Variants in CNTNAP2 observed in about 807,000 individuals in gnomAD.
The protein encoded by CNTNAP2 is contactin associated protein 2.
In CNTNAP2, 98 loss-of-function variants were observed where a neutral mutation model predicts 155.2. The ratio of observed to expected loss-of-function variants is 0.63; its 90% CI spans 0.54 to 0.75. The LOEUF is 0.75. Among genes scored for constraint, CNTNAP2 ranks in the 30% least tolerant of loss-of-function variants. CNTNAP2 has a pLI of 0.00. For missense variants in CNTNAP2, 1,727 were observed against 1,688.1 expected (o/e 1.02, Z -0.40); for synonymous variants, 651 against 631.2 (o/e 1.03, Z -0.47).
chr7:148,113,749 C>T (rs4725763), intron 15 of CNTNAP2, among the ~76,000 whole-genome samples: 44,969 of 152,020 alleles, frequency 0.3, 8,434 homozygotes, highest in East Asian at 0.68. Context: ...AACATGCAGT[C>T]ACAAAGCTTC....
At chr7:148,241,882 T>C (rs1290485862) in intron 20 of CNTNAP2, among the ~76,000 whole-genome samples, 4 of 152,172 alleles carry the variant, frequency 2.6e-5, no homozygotes, top group Non-Finnish European at 4.4e-5. Flanking sequence ...ATTCCTACAC[T>C]CCAGAAAAAT....
intron 10 of CNTNAP2, among the ~76,000 whole-genome samples, chr7:147,463,149 G>A (rs538587664): frequency 1.0e-3 from 152 of 152,222 alleles, no homozygotes; most frequent in African/African-American, 3.2e-3. Context: ...AACAGAAAAA[G>A]AAACAAGTGT....
intron 1 of CNTNAP2, among the ~76,000 whole-genome samples, chr7:146,620,316 G>T (rs1799296515): frequency 6.6e-6 from 1 of 152,094 alleles, no homozygotes; most frequent in Non-Finnish European, 1.5e-5. Flanking sequence ...CATGGCTAAC[G>T]GTGCTGCCTG....
At chr7:146,323,900 T>C (rs1801049725) in intron 1 of CNTNAP2, among the ~76,000 whole-genome samples, 1 of 152,122 alleles carries the variant, frequency 6.6e-6, no homozygotes, top group African/African-American at 2.4e-5. Flanking sequence ...AATTATGAAG[T>C]TAATAAAGTT....
At chr7:147,443,437 T>A (rs1797678007) in intron 10 of CNTNAP2, among the ~76,000 whole-genome samples, 1 of 152,192 alleles carries the variant, frequency 6.6e-6, no homozygotes, top group South Asian at 2.1e-4. Flanking sequence ...GCAATAGTCC[T>A]GAATAGGCAA....
chr7:147,391,158 G>T (rs965247390), intron 9 of CNTNAP2, among the ~76,000 whole-genome samples: 1 of 152,156 alleles, frequency 6.6e-6, no homozygotes, highest in African/African-American at 2.4e-5. Flanking sequence ...GGTAGATTAT[G>T]CACAGAGAAA....
At chr7:146,931,889 A>G (rs1420959464) in intron 3 of CNTNAP2, among the ~76,000 whole-genome samples, 2 of 152,218 alleles carry the variant, frequency 1.3e-5, no homozygotes, top group African/African-American at 2.4e-5. Context: ...TAATCCAGGA[A>G]GAAGTTGAAT....
At chr7:147,629,881 C>G (rs1224663604) in intron 12 of CNTNAP2, among the ~76,000 whole-genome samples, 1 of 151,082 alleles carries the variant, frequency 6.6e-6, no homozygotes, top group African/African-American at 2.4e-5. Flanking sequence ...TCTGAAAGAG[C>G]ACAAATAAAA....
intron 4 of CNTNAP2, among the ~76,000 whole-genome samples, chr7:147,058,333 G>C (rs910093376): frequency 3.9e-5 from 6 of 152,112 alleles, no homozygotes; most frequent in Non-Finnish European, 7.3e-5. Flanking sequence ...TTTGTAGTCT[G>C]TTAGCAAAGT....
chr7:146,815,415 A>T (rs1464914384), intron 2 of CNTNAP2, among the ~76,000 whole-genome samples: 1 of 152,144 alleles, frequency 6.6e-6, no homozygotes, highest in Non-Finnish European at 1.5e-5. Context: ...TCTTTGTAAA[A>T]TATAGTAATT....
At chr7:147,945,514 G>T (rs1193897124) in intron 14 of CNTNAP2, among the ~76,000 whole-genome samples, 1 of 152,076 alleles carries the variant, frequency 6.6e-6, no homozygotes, top group Non-Finnish European at 1.5e-5. Flanking sequence ...CAAGTATATG[G>T]TTGAAGACTC....
At chr7:147,589,783 G>A (rs146195392) in intron 12 of CNTNAP2, among the ~76,000 whole-genome samples, 480 of 152,206 alleles carry the variant, frequency 3.2e-3, no homozygotes, top group African/African-American at 0.011. Flanking sequence ...AAAGGTGCAT[G>A]AGTATCCCAG....
intron 1 of CNTNAP2, among the ~76,000 whole-genome samples, chr7:146,668,003 C>G (rs1157929460): frequency 6.6e-6 from 1 of 151,954 alleles, no homozygotes; most frequent in Admixed American, 6.6e-5. Context: ...ACTTCTAGTT[C>G]TATATTGAGT....
chr7:147,583,503 C>CATATATAT (rs71183019), intron 12 of CNTNAP2, among the ~76,000 whole-genome samples: 3,000 of 128,928 alleles, frequency 0.023, 48 homozygotes, highest in East Asian at 0.055. Context: ...AAAGACATGA[C>CATATATAT]ATATATATAT....
At chr7:147,056,359 A>C (rs1034837209) in intron 4 of CNTNAP2, among the ~76,000 whole-genome samples, 2 of 152,114 alleles carry the variant, frequency 1.3e-5, no homozygotes, top group Admixed American at 1.3e-4. Flanking sequence ...TTGAAGTGCA[A>C]ATGTTTTATT....
intron 8 of CNTNAP2, among the ~76,000 whole-genome samples, chr7:147,213,085 C>A (rs1452399453): frequency 2.0e-5 from 3 of 151,994 alleles, no homozygotes; most frequent in African/African-American, 4.8e-5. Context: ...TTTGTTCATG[C>A]AATAATGGAT....
At chr7:146,756,956 C>A (rs1230377306) in intron 1 of CNTNAP2, among the ~76,000 whole-genome samples, 4 of 152,074 alleles carry the variant, frequency 2.6e-5, no homozygotes, top group Admixed American at 2.0e-4. Flanking sequence ...TTCTAATCCA[C>A]CCCACAGTTC....
intron 4 of CNTNAP2, among the ~76,000 whole-genome samples, chr7:147,092,095 A>C (rs1584834635): frequency 6.6e-6 from 1 of 152,274 alleles, no homozygotes; most frequent in East Asian, 1.9e-4. Context: ...TTGTAACAGC[A>C]CTATATCTGT....
At chr7:148,058,165 A>G (rs1400003770) in intron 15 of CNTNAP2, among the ~76,000 whole-genome samples, 1 of 152,074 alleles carries the variant, frequency 6.6e-6, no homozygotes, top group African/African-American at 2.4e-5. Flanking sequence ...TAGTACATGA[A>G]GAGAGAGCAT....
Sources: gnomAD v4.1 joint callset for allele counts (sites outside exome capture counted in the v4.1 genomes callset) on GRCh38, gnomAD v4.1.1 for gene constraint, MANE v1.5 for transcripts, NCBI Gene and HGNC (gene_info 2026-07-23, HGNC 2026-07-21) for gene names.